GPHN: variants seen among roughly 807,000 people sequenced by gnomAD.
GPHN encodes the protein gephyrin.
A neutral mutation model predicts 95.5 loss-of-function variants in GPHN; 17 were observed. That is an observed-to-expected ratio of 0.18 (90% CI 0.12 to 0.27). GPHN has a LOEUF of 0.27. Ranked by LOEUF, GPHN falls within the 10% of genes least tolerant of loss-of-function variation. The pLI, the probability that GPHN is intolerant of heterozygous loss-of-function variation, is 1.00. For missense variants in GPHN, 660 were observed against 978.1 expected (o/e 0.67, Z 4.34); for synonymous variants, 320 against 322.5 (o/e 0.99, Z 0.08).
At chr14:67,597,395 T>C in the GPHN span, among the ~76,000 whole-genome samples, 1 of 152,076 alleles carries the variant, frequency 6.6e-6, no homozygotes, top group Admixed American at 6.5e-5. Flanking sequence ...AGAGGATCGC[T>C]TGAGTCCAGG....
At chr14:67,479,576 G>A in the GPHN span, among the ~76,000 whole-genome samples, 1 of 151,712 alleles carries the variant, frequency 6.6e-6, no homozygotes, top group African/African-American at 2.4e-5. Flanking sequence ...AAATTAGCCG[G>A]GCATGGTGGC....
the GPHN span, among the ~76,000 whole-genome samples, chr14:67,377,898 A>G: frequency 1.3e-5 from 2 of 151,894 alleles, no homozygotes; most frequent in African/African-American, 4.8e-5. Flanking sequence ...GCTTGAGGCC[A>G]GGAGTTGGAG....
chr14:67,340,726 C>T, the GPHN span, among the ~76,000 whole-genome samples: 53 of 152,298 alleles, frequency 3.5e-4, 1 homozygote, highest in South Asian at 1.7e-3. Context: ...GATGCCGAGC[C>T]GAAGCTGGAC....
chr14:67,498,883 G>A, the GPHN span, among the ~76,000 whole-genome samples: 1 of 152,156 alleles, frequency 6.6e-6, no homozygotes, highest in Non-Finnish European at 1.5e-5. Flanking sequence ...TGGTCAGGCT[G>A]GTCTTGAACT....
At chr14:67,179,825 A>G in intron 22 of GPHN, 151 bp downstream of exon 22, 1 of 623,700 alleles carries the variant, frequency 1.6e-6, no homozygotes, top group Non-Finnish European at 2.8e-6. Context: ...CCTAAACAGT[A>G]TAGCAAAAGT....
chr14:67,429,291 C>T, the GPHN span, among the ~76,000 whole-genome samples: 10 of 149,372 alleles, frequency 6.7e-5, no homozygotes, highest in African/African-American at 1.5e-4. Context: ...CGTGCAGTGG[C>T]GTGATCTTGG....
chr14:66,712,505 T>G (rs1020164390), intron 2 of GPHN, among the ~76,000 whole-genome samples: 4 of 152,188 alleles, frequency 2.6e-5, no homozygotes, highest in African/African-American at 4.8e-5. Flanking sequence ...ATGGGTAGAT[T>G]GCAAAAATTT....
At chr14:67,601,934 A>G in the GPHN span, among the ~76,000 whole-genome samples, 15,050 of 151,050 alleles carry the variant, frequency 0.1, 789 homozygotes, top group South Asian at 0.14. Context: ...AGTCTCTCTG[A>G]TGAAAGGTTC....
At chr14:66,788,170 A>G (rs1439799026) in intron 3 of GPHN, among the ~76,000 whole-genome samples, 1 of 152,130 alleles carries the variant, frequency 6.6e-6, no homozygotes, top group African/African-American at 2.4e-5. Flanking sequence ...CTACCCAGAC[A>G]TGGTGGCGGG....
intron 1 of GPHN, among the ~76,000 whole-genome samples, chr14:66,654,201 G>T (rs1051105278): frequency 3.3e-5 from 5 of 152,026 alleles, no homozygotes; most frequent in African/African-American, 1.2e-4. Flanking sequence ...AGGCTGGAGT[G>T]CAGTGGCACG....
chr14:67,662,086 G>A, the GPHN span, among the ~76,000 whole-genome samples: 2 of 151,774 alleles, frequency 1.3e-5, no homozygotes, highest in Non-Finnish European at 2.9e-5. Flanking sequence ...AACCCGGGAG[G>A]TGGAGCTTGC....
chr14:67,642,334 C>T, the GPHN span: 3 of 1,613,874 alleles, frequency 1.9e-6, no homozygotes, highest in African/African-American at 2.7e-5. Context: ...CAGATGGCTA[C>T]AGCTGTGTCA....
At chr14:67,589,351 C>T in the GPHN span, 20 of 981,700 alleles carry the variant, frequency 2.0e-5, no homozygotes, top group Non-Finnish European at 2.4e-5. Flanking sequence ...CATGAGAGTC[C>T]CATGTCTGAA....
chr14:67,501,733 C>T, the GPHN span, among the ~76,000 whole-genome samples: 6,612 of 152,206 alleles, frequency 0.043, 186 homozygotes, highest in East Asian at 0.091. Flanking sequence ...ACCAAAGTCC[C>T]CTATCTAAGA....
intron 3 of GPHN, among the ~76,000 whole-genome samples, chr14:66,799,623 A>G (rs1244755155): frequency 6.6e-6 from 1 of 152,004 alleles, no homozygotes; most frequent in Non-Finnish European, 1.5e-5. Context: ...ATATAAGTGT[A>G]TCAATTCCTG....
the GPHN span, chr14:67,585,550 TTG>T: frequency 1.3e-6 from 2 of 1,529,148 alleles, no homozygotes; most frequent in Non-Finnish European, 1.8e-6. Flanking sequence ...ATCTGATGGG[TTG>T]TTTCTGTTTC....
At chr14:67,188,081 C>T in the GPHN span, among the ~76,000 whole-genome samples, 7 of 152,252 alleles carry the variant, frequency 4.6e-5, no homozygotes, top group East Asian at 1.4e-3. Context: ...CTGAATGTGG[C>T]AGGAAAGCTT....
At chr14:67,395,314 C>A in the GPHN span, 2 of 1,172,466 alleles carry the variant, frequency 1.7e-6, no homozygotes, top group East Asian at 2.3e-5. Context: ...GTGCAGCAAG[C>A]ACAGAGCCCC....
the GPHN span, chr14:67,584,207 CT>C: frequency 7.0e-7 from 1 of 1,422,256 alleles, no homozygotes; most frequent in South Asian, 1.2e-5. Flanking sequence ...TTTGCAGCCC[CT>C]ACCTCCATAC....
Sources: gnomAD v4.1 joint callset for allele counts (sites outside exome capture counted in the v4.1 genomes callset) on GRCh38, gnomAD v4.1.1 for gene constraint, MANE v1.5 for transcripts, NCBI Gene and HGNC (gene_info 2026-07-23, HGNC 2026-07-21) for gene names.